The following MYLK variants were observed in gnomAD, a reference collection of about 807,000 sequenced individuals.
The protein encoded by MYLK is myosin light chain kinase.
In MYLK, 106 loss-of-function variants were observed where a neutral mutation model predicts 203.4. The observed-to-expected ratio is 0.52, with a 90% CI of 0.45 to 0.61. The LOEUF (loss-of-function observed/expected upper bound fraction) is 0.61, where lower values mean the gene tolerates loss of function less well. Ranked by LOEUF, MYLK falls within the 20% of genes least tolerant of loss-of-function variation. The pLI is 0.00. For synonymous variants in MYLK, 867 were observed against 959.5 expected (o/e 0.90, Z 1.78); for missense variants, 2,072 against 2,442.3 (o/e 0.85, Z 3.20).
intron 4 of MYLK, among the ~76,000 whole-genome samples, chr3:123,784,387 T>TC (rs1456546266): frequency 6.7e-6 from 1 of 148,252 alleles, no homozygotes; most frequent in Admixed American, 6.7e-5. Context: ...TTTTTTTTTT[T>TC]TTTTTTTTTT....
chr3:123,857,388 G>A (rs2031495065), intron 2 of MYLK, among the ~76,000 whole-genome samples: 1 of 151,696 alleles, frequency 6.6e-6, no homozygotes, highest in South Asian at 2.1e-4. Flanking sequence ...CAAAGACTTG[G>A]AACCAACCCA....
rs982281687 is a variant in MYLK at position 123,620,457 on chromosome 3, C to A, written c.5239-121G>T. ...AGCAGCTGTTCCCTGGAACAAGGAC[C>A]TCCTGAGAGCCGAGGTTCTGCCAGA... is the stretch of plus-strand genomic sequence containing the variant. On this transcript the variant is annotated intron_variant, in intron 31 of 33. Transcript: ENST00000360304. 3 of 1,585,256 alleles carry A rather than the reference C, an allele frequency of 1.9e-6. No individual in the cohort carries two copies. The African/African-American group carries it at 4.0e-5, about 21-fold the overall frequency.
At chr3:123,738,864 C>A (rs2198766) in intron 7 of MYLK, 33 bp downstream of exon 7, 1,568,219 of 1,592,598 alleles carry the variant, frequency 0.98, 774,139 homozygotes, top group East Asian at 1. Flanking sequence ...CTAATACAGG[C>A]TGGATCAGGG....
intron 4 of MYLK, among the ~76,000 whole-genome samples, chr3:123,780,685 G>A (rs2064262662): frequency 1.3e-5 from 2 of 152,156 alleles, no homozygotes; most frequent in Non-Finnish European, 2.9e-5. Flanking sequence ...CAGTAAACAC[G>A]TTTGCAAATG....
At chr3:123,618,541 G>A (rs1243901002) in intron 33 of MYLK, 98 bp downstream of exon 33, 5 of 1,543,480 alleles carry the variant, frequency 3.2e-6, no homozygotes, top group Admixed American at 1.7e-5. Flanking sequence ...ATTGTCCCCA[G>A]CTGCACAGAA....
chr3:123,771,086 T>C (rs1259672504), intron 4 of MYLK, among the ~76,000 whole-genome samples: 1 of 152,220 alleles, frequency 6.6e-6, no homozygotes, highest in Non-Finnish European at 1.5e-5. Flanking sequence ...AATATTCCAT[T>C]TCATACTGTA....
intron 3 of MYLK, among the ~76,000 whole-genome samples, chr3:123,804,416 C>G (rs1176615418): frequency 6.6e-6 from 1 of 152,114 alleles, no homozygotes; most frequent in East Asian, 1.9e-4. Context: ...CCCTCCCCTC[C>G]TCTCCAACAG....
intron 3 of MYLK, among the ~76,000 whole-genome samples, chr3:123,797,368 T>G (rs1342166611): frequency 2.0e-5 from 3 of 152,090 alleles, no homozygotes; most frequent in Admixed American, 6.5e-5. Flanking sequence ...ATATCTACCA[T>G]GGGCCAAGCT....
intron 4 of MYLK, among the ~76,000 whole-genome samples, chr3:123,768,708 A>T (rs1241634861): frequency 1.3e-5 from 2 of 152,252 alleles, no homozygotes; most frequent in Non-Finnish European, 2.9e-5. Flanking sequence ...TTGTCGCAAA[A>T]GGGGATAATC....
chr3:123,798,214 G>T (rs922483752), intron 3 of MYLK, among the ~76,000 whole-genome samples: 4 of 152,184 alleles, frequency 2.6e-5, no homozygotes, highest in Admixed American at 6.5e-5. Context: ...CTTGTCTAAG[G>T]TCACACAGCT....
At position 123,640,134 on chromosome 3, in the gene MYLK, C is replaced by A. The variant is rs1451860139; in HGVS notation, c.4837+153G>T. Among the ~76,000 whole-genome samples, 1 of 151,788 alleles carries A rather than the reference C, an allele frequency of 6.6e-6. No homozygotes were observed. On this transcript the variant is annotated intron_variant, in intron 28 of 33. Transcript: ENST00000360304. The surrounding 1 kb of genome is among the most constrained non-coding windows in gnomAD (Gnocchi z 4.3). ...GGGAATTTGAGGCTTACTGTCACGT[C>A]TAGTATGTGGTAGGGGCAGGATTCA...
At chr3:123,654,408 C>T (rs963120781) in intron 24 of MYLK, among the ~76,000 whole-genome samples, 27 of 152,226 alleles carry the variant, frequency 1.8e-4, no homozygotes, top group African/African-American at 6.5e-4. Flanking sequence ...CACGATGGCT[C>T]TAGCTCCCTG....
chr3:123,730,897 C>T (rs1253332506), intron 11 of MYLK, among the ~76,000 whole-genome samples: 1 of 152,088 alleles, frequency 6.6e-6, no homozygotes, highest in Admixed American at 6.5e-5. Context: ...TAAAAGGGTG[C>T]TTTTTATGTT....
chr3:123,816,845 C>T (rs1382749348), intron 3 of MYLK, among the ~76,000 whole-genome samples: 2 of 152,150 alleles, frequency 1.3e-5, no homozygotes, highest in South Asian at 2.1e-4. Context: ...ACAGACAGAT[C>T]ATTTCCGGTG....
In MYLK at chr3:123,667,302, T is replaced by C. The variant is rs2059769050; in HGVS notation, c.3653-115A>G. On this transcript the variant is annotated intron_variant, in intron 20 of 33. Coordinates refer to ENST00000360304, the MANE Select transcript of MYLK (RefSeq NM_053025.4). ...GCCCCTCATCCAGGGAGGACTCTTA[T>C]TTGAACATGTCTTTTCAGGCTGAGC... The C allele has an allele frequency of 2.0e-5, 20 of 1,017,584 alleles. No homozygotes were observed. In the South Asian group the frequency reaches 2.3e-4, roughly 12 times the overall value. 63.0% of individuals were successfully genotyped at this position (1,017,584 alleles called of 1,614,324 possible).
chr3:123,783,381 A>T (rs1315187591), intron 4 of MYLK, among the ~76,000 whole-genome samples: 1 of 152,188 alleles, frequency 6.6e-6, no homozygotes, highest in Middle Eastern at 3.2e-3. Flanking sequence ...TTTTAGGTGC[A>T]TAAATACTTT....
intron 31 of MYLK, chr3:123,624,713 T>C (rs1393719676): frequency 6.6e-6 from 1 of 152,170 alleles, no homozygotes; most frequent in Non-Finnish European, 1.5e-5. Context: ...CACCAAAAGG[T>C]AAGCAGCTAC....
chr3:123,684,005 C>T (rs987048034), intron 19 of MYLK, among the ~76,000 whole-genome samples: 2 of 152,206 alleles, frequency 1.3e-5, no homozygotes, highest in African/African-American at 4.8e-5. Flanking sequence ...CTGCCTGTAA[C>T]CCAGCATGCC....
At chr3:123,677,588 C>T (rs1233541707) in intron 20 of MYLK, among the ~76,000 whole-genome samples, 2 of 152,038 alleles carry the variant, frequency 1.3e-5, no homozygotes, top group East Asian at 3.9e-4. Context: ...AGGACCCACT[C>T]TGGGCTGGAG....
Sources: gnomAD v4.1 joint callset for allele counts (sites outside exome capture counted in the v4.1 genomes callset) on GRCh38, gnomAD v4.1.1 for gene constraint, Gnocchi (gnomAD v3.1) non-coding constraint, MANE v1.5 for transcripts, NCBI Gene and HGNC (gene_info 2026-07-23, HGNC 2026-07-21) for gene names.